CCDC7: variants seen among roughly 807,000 people sequenced by gnomAD.
CCDC7 encodes coiled-coil domain containing 7.
CCDC7 carries 183 observed loss-of-function variants against 196.9 expected under a neutral mutation model. That is an observed-to-expected ratio of 0.93 (90% CI 0.82 to 1.05). The LOEUF (loss-of-function observed/expected upper bound fraction) is 1.05, where lower values mean the gene tolerates loss of function less well. Among genes scored for constraint, CCDC7 ranks in the 50% least tolerant of loss-of-function variants. The pLI, the probability that CCDC7 is intolerant of heterozygous loss-of-function variation, is 0.00. For missense variants in CCDC7, 1,540 were observed against 1,482.2 expected, an observed-to-expected ratio of 1.04 and a Z score of -0.64; for synonymous variants, 525 against 484.6, an observed-to-expected ratio of 1.08 and a Z score of -1.10.
At chr10:32,800,284 A>G (rs1325191618) in intron 29 of CCDC7, among the ~76,000 whole-genome samples, 1 of 152,188 alleles carries the variant, frequency 6.6e-6, no homozygotes, top group Non-Finnish European at 1.5e-5. Flanking sequence ...TTCTAGGTAG[A>G]GGCAGTTCTA....
At chr10:32,720,286 A>C (rs765614212) in intron 25 of CCDC7, among the ~76,000 whole-genome samples, 64 of 152,000 alleles carry the variant, frequency 4.2e-4, no homozygotes, top group Non-Finnish European at 8.5e-4. Context: ...GCAAACTAAC[A>C]CAGCAAACTA....
intron 41 of CCDC7, among the ~76,000 whole-genome samples, chr10:32,862,644 G>A (rs2094046553): frequency 6.6e-6 from 1 of 151,870 alleles, no homozygotes; most frequent in Admixed American, 6.6e-5. Context: ...AGGCAGGGAT[G>A]TCCACTCTCA....
At chr10:32,834,449 A>G (rs1025674253) in intron 32 of CCDC7, among the ~76,000 whole-genome samples, 9 of 152,084 alleles carry the variant, frequency 5.9e-5, no homozygotes, top group Non-Finnish European at 8.8e-5. Flanking sequence ...TTATATTCTT[A>G]TCATAAACTC....
At chr10:32,773,171 A>C (rs2079432589) in intron 28 of CCDC7, among the ~76,000 whole-genome samples, 1 of 152,190 alleles carries the variant, frequency 6.6e-6, no homozygotes, top group South Asian at 2.1e-4. Flanking sequence ...CTTGAATTTG[A>C]CTGGTGACCT....
chr10:32,699,624 G>A lies in CCDC7; in HGVS notation c.2458+4632G>A, dbSNP rs1234173020. The stretch of plus-strand genomic sequence containing the variant: ...TCTAGTTCTAGATCCCTGAGGAATC[G>A]CCACACAGACTTCCACAATGGTTGA... On this transcript the variant is annotated intron_variant, in intron 24 of 41. Transcript: ENST00000639629. Among the ~76,000 whole-genome samples the A allele has an allele frequency of 9.4e-5, 14 of 149,264 alleles. 1 individual carries two copies. In the East Asian group the frequency reaches 1.2e-3, roughly 12 times the overall value.
At chr10:32,651,797 AG>A (rs1280860100) in intron 20 of CCDC7, among the ~76,000 whole-genome samples, 1 of 152,118 alleles carries the variant, frequency 6.6e-6, no homozygotes, top group African/African-American at 2.4e-5. Flanking sequence ...ATTTTATCTT[AG>A]GGTTAGAATG....
chr10:32,744,662 G>A (rs747500440), intron 28 of CCDC7, among the ~76,000 whole-genome samples: 1 of 152,134 alleles, frequency 6.6e-6, no homozygotes, highest in Admixed American at 6.5e-5. Context: ...TCTTTCAAAT[G>A]GGATGTTTGT....
rs886888472 is a variant in CCDC7, at chr10:32,868,714, C to T, written c.4112-7633C>T. Among the ~76,000 whole-genome samples the T allele has an allele frequency of 4.2e-5, 6 of 141,972 alleles. No individual in the cohort carries two copies. The Admixed American group carries it at 4.2e-4, about 10-fold the overall frequency. The allele number at this position is 141,972 out of a possible 152,430, so 93.1% of individuals were successfully genotyped here. A position where few individuals can be genotyped will look rare whatever the true frequency, so the allele number is the denominator to read the frequency against. ...GGTATATCTCCTAATGCTATCCATCCCCCCTCCCCCCACCCCACAAAAGGC... is the reference window on the plus strand; with the variant it reads ...GGTATATCTCCTAATGCTATCCATCTCCCCTCCCCCCACCCCACAAAAGGC... On this transcript the variant is annotated intron_variant, in intron 41 of 41. Transcript: ENST00000639629.
At chr10:32,835,230 T>A (rs2092509841) in intron 33 of CCDC7, among the ~76,000 whole-genome samples, 1 of 152,142 alleles carries the variant, frequency 6.6e-6, no homozygotes. Flanking sequence ...ATTTTCTGTC[T>A]CAATTATCTG....
At chr10:32,791,033 A>G (rs1413531379) in intron 29 of CCDC7, among the ~76,000 whole-genome samples, 1 of 152,136 alleles carries the variant, frequency 6.6e-6, no homozygotes, top group African/African-American at 2.4e-5. Flanking sequence ...GTACTCCTGA[A>G]GCCTTTGTCA....
intron 20 of CCDC7, among the ~76,000 whole-genome samples, chr10:32,640,471 G>A (rs1443018335): frequency 6.6e-6 from 1 of 152,166 alleles, no homozygotes; most frequent in African/African-American, 2.4e-5. Flanking sequence ...CAATTTGCCA[G>A]TCTGTGTCTT....
chr10:32,727,601 C>T (rs2083314669), intron 26 of CCDC7, among the ~76,000 whole-genome samples: 1 of 152,230 alleles, frequency 6.6e-6, no homozygotes, highest in South Asian at 2.1e-4. Flanking sequence ...ATTGTCTCTA[C>T]AGGCATCATT....
chr10:32,801,189 A>G (rs753569719), intron 29 of CCDC7, among the ~76,000 whole-genome samples: 5 of 152,130 alleles, frequency 3.3e-5, no homozygotes, highest in Admixed American at 6.5e-5. Flanking sequence ...ACACAAATCT[A>G]TTTCTCGAAG....
intron 8 of CCDC7, among the ~76,000 whole-genome samples, chr10:32,481,315 T>C (rs73251542): frequency 0.052 from 7,944 of 152,180 alleles, 683 homozygotes; most frequent in African/African-American, 0.18. Flanking sequence ...TTACCTTTAA[T>C]AAATAAGGAC....
chr10:32,697,287 A>G (rs903675591), intron 24 of CCDC7, among the ~76,000 whole-genome samples: 6 of 152,196 alleles, frequency 3.9e-5, no homozygotes, highest in African/African-American at 1.4e-4. Flanking sequence ...TGATTTCTGC[A>G]TTTCCAACTG....
At chr10:32,695,103 A>G (rs1439854660) in intron 24 of CCDC7, 111 bp downstream of exon 25, 7 of 488,706 alleles carry the variant, frequency 1.4e-5, no homozygotes, top group Non-Finnish European at 2.5e-5. Context: ...GAAATTTTAT[A>G]CTTTACAGTG....
intron 33 of CCDC7, among the ~76,000 whole-genome samples, chr10:32,841,712 T>C (rs374980541): frequency 4.0e-4 from 60 of 151,720 alleles, no homozygotes; most frequent in African/African-American, 1.4e-3. Flanking sequence ...CTTCAAACTA[T>C]AAGGCCATAG....
At chr10:32,466,256 C>T (rs9336682) in intron 5 of CCDC7, among the ~76,000 whole-genome samples, 1,377 of 50,324 alleles carry the variant, frequency 0.027, 50 homozygotes, top group Middle Eastern at 0.07. Context: ...GTTTCTCTCT[C>T]TTTTTTTTTT....
chr10:32,479,829 T>C (rs1465817598), intron 8 of CCDC7, among the ~76,000 whole-genome samples: 2 of 69,518 alleles, frequency 2.9e-5, no homozygotes, highest in Non-Finnish European at 6.4e-5. Context: ...CACTGGGTCC[T>C]GGTTTTTTCT....
Sources: gnomAD v4.1 joint callset for allele counts (sites outside exome capture counted in the v4.1 genomes callset) on GRCh38, gnomAD v4.1.1 for gene constraint, MANE v1.5 for transcripts, NCBI Gene and HGNC (gene_info 2026-07-23, HGNC 2026-07-21) for gene names.